The following JAM3 variants were observed in gnomAD, a reference collection of about 807,000 sequenced individuals.
JAM3 encodes the protein junctional adhesion molecule 3, also known as junctional adhesion molecule C.
A neutral mutation model predicts 39.4 loss-of-function variants in JAM3; 31 were observed. The observed-to-expected ratio is 0.79, with a 90% CI of 0.59 to 1.06. The LOEUF (loss-of-function observed/expected upper bound fraction) is 1.06, where lower values mean the gene tolerates loss of function less well. JAM3 is among the 50% of genes least tolerant of loss of function. The probability of loss-of-function intolerance (pLI) is 0.00; values close to 1 mark genes in which losing one functional copy is unlikely to be tolerated. For missense variants in JAM3, 455 were observed against 391.4 expected (o/e 1.16, Z -1.37); for synonymous variants, 182 against 148.7 (o/e 1.22, Z -1.63).
intron 1 of JAM3, among the ~76,000 whole-genome samples, chr11:134,092,244 G>A (rs1234428666): frequency 1.3e-5 from 2 of 152,060 alleles, no homozygotes; most frequent in Admixed American, 6.5e-5. Flanking sequence ...TGTGTGTGAT[G>A]CGCTCTGCAG....
chr11:134,070,457 A>G (rs1401046789), intron 1 of JAM3, among the ~76,000 whole-genome samples: 3 of 152,218 alleles, frequency 2.0e-5, no homozygotes, highest in Admixed American at 1.3e-4. Flanking sequence ...TGCTAATGGG[A>G]TGCTCGTGAT....
At chr11:134,141,855 G>A (rs1942978732) in intron 3 of JAM3, among the ~76,000 whole-genome samples, 2 of 152,048 alleles carry the variant, frequency 1.3e-5, no homozygotes, top group Non-Finnish European at 2.9e-5. Flanking sequence ...ATGCAGGCTC[G>A]TGCATGAGTC....
rs143447718 is a variant in JAM3, at chr11:134,146,537, A to C, written c.712+492A>C. 3.9e-3 allele frequency among the ~76,000 whole-genome samples: 586 copies of C among 151,966 alleles called. 7 individuals are homozygous for C. The highest frequency in any genetic ancestry group is 0.013 in the African/African-American group (555 of 41,450). On this transcript the variant is annotated intron_variant, in intron 6 of 8. Transcript: ENST00000299106. Reference sequence around the variant, plus strand: ...GGTGGGGGCAGAGAGGATGTGTCCAAATCACTTGGGGAGCTTTTTTTTTTC... The same window carrying C: ...GGTGGGGGCAGAGAGGATGTGTCCACATCACTTGGGGAGCTTTTTTTTTTC...
intron 1 of JAM3, chr11:134,124,247 G>A: frequency 1.2e-5 from 14 of 1,149,286 alleles, no homozygotes; most frequent in Non-Finnish European, 1.8e-5. Context: ...GGAACTCGTT[G>A]AGAGTAGCAC....
rs536759201 is a variant in JAM3 at position 134,144,335 on chromosome 11, C to T, written c.351C>T (p.Val117=). The change falls in exon 4 of 9, where the codon GTC becomes GTT. Residue 117 remains valine (V), a synonymous_variant. Transcript: ENST00000299106. ...ACTCAGCCCTTTATCGCTGTGAGGTCGTTGCTCGAAATGACCGCAAGGAAA... is the reference window on the plus strand; with the variant it reads ...ACTCAGCCCTTTATCGCTGTGAGGTTGTTGCTCGAAATGACCGCAAGGAAA... ...RRDSALYRCE[V]VARNDRKEID... The T allele has an allele frequency of 3.2e-5, 51 of 1,614,138 alleles. No homozygotes were observed. The highest frequency in any genetic ancestry group is 2.7e-4 in the East Asian group (12 of 44,884).
At chr11:134,115,139 T>G (rs1391183529) in intron 1 of JAM3, among the ~76,000 whole-genome samples, 1 of 152,208 alleles carries the variant, frequency 6.6e-6, no homozygotes, top group East Asian at 1.9e-4. Context: ...GAACTAACCT[T>G]TTTTATCCCT....
intron 4 of JAM3, 32 bp from the exon 5 acceptor site, chr11:134,144,760 A>G: frequency 6.4e-7 from 1 of 1,553,162 alleles, no homozygotes. Flanking sequence ...CCTGTCACTG[A>G]GATCTTAAAC....
At position 134,104,356 on chromosome 11, in the gene JAM3, T is replaced by C. The variant is rs1344158689; in HGVS notation, c.76+35197T>C. On this transcript the variant is annotated intron_variant, in intron 1 of 8. Transcript: ENST00000299106. Reference sequence around the variant, plus strand: ...CAGAATCTCTGGGACACATTTAAAGTAGTGTGTAGAGGGAAATTTATAGCA... The same window carrying C: ...CAGAATCTCTGGGACACATTTAAAGCAGTGTGTAGAGGGAAATTTATAGCA... Among the ~76,000 whole-genome samples, 3 of 151,868 alleles carry C rather than the reference T, an allele frequency of 2.0e-5. No homozygotes were observed. The South Asian group carries it at 6.2e-4, about 32-fold the overall frequency.
chr11:134,091,577 C>G (rs1941854475), intron 1 of JAM3, among the ~76,000 whole-genome samples: 1 of 151,400 alleles, frequency 6.6e-6, no homozygotes, highest in South Asian at 2.1e-4. Context: ...CTACAGTGAG[C>G]TACGATTGTG....
intron 1 of JAM3, among the ~76,000 whole-genome samples, chr11:134,097,857 T>C (rs1446420578): frequency 6.6e-6 from 1 of 151,284 alleles, no homozygotes; most frequent in East Asian, 1.9e-4. Context: ...TTCTTTTATA[T>C]ATATGTATAT....
At chr11:134,106,808 C>T (rs571217399) in intron 1 of JAM3, among the ~76,000 whole-genome samples, 51 of 152,222 alleles carry the variant, frequency 3.4e-4, no homozygotes, top group Middle Eastern at 6.8e-3. Flanking sequence ...GTTAGAATTG[C>T]GATCATTAAA....
intron 1 of JAM3, among the ~76,000 whole-genome samples, chr11:134,109,504 T>A (rs1223501829): frequency 6.6e-6 from 1 of 152,212 alleles, no homozygotes; most frequent in Non-Finnish European, 1.5e-5. Flanking sequence ...GCCACATCCA[T>A]CCATTTACTT....
At chr11:134,127,054 C>A (rs960765590) in intron 1 of JAM3, among the ~76,000 whole-genome samples, 1 of 152,100 alleles carries the variant, frequency 6.6e-6, no homozygotes, top group Non-Finnish European at 1.5e-5. Context: ...AGCATGCACA[C>A]AATAAAAACA....
At chr11:134,088,503 A>G (rs1941782978) in intron 1 of JAM3, among the ~76,000 whole-genome samples, 1 of 152,204 alleles carries the variant, frequency 6.6e-6, no homozygotes. Context: ...CTTTAAGGAA[A>G]AAACGGAATA....
At chr11:134,143,143 G>C (rs1943005821) in intron 3 of JAM3, among the ~76,000 whole-genome samples, 1 of 152,168 alleles carries the variant, frequency 6.6e-6, no homozygotes, top group East Asian at 1.9e-4. Context: ...TACAGTAGTT[G>C]CATGTTTAGT....
chr11:134,141,204 A>G lies in JAM3; in HGVS notation c.256+434A>G, dbSNP rs543312933. ...CTTGGTGCTGGGGTTGCCGATGGGG[A>G]GAAAACACGGTGTACCCTGAAGTGA... On this transcript the variant is annotated intron_variant, in intron 3 of 8. Transcript: ENST00000299106. Among the ~76,000 whole-genome samples, 3 of 152,126 alleles carry G rather than the reference A, an allele frequency of 2.0e-5. No individual in the cohort carries two copies. In the East Asian group the frequency reaches 5.8e-4, roughly 30 times the overall value.
chr11:134,116,770 G>A (rs752697747), intron 1 of JAM3, among the ~76,000 whole-genome samples: 12 of 151,822 alleles, frequency 7.9e-5, no homozygotes, highest in African/African-American at 2.4e-4. Context: ...GGAGATACAT[G>A]TATTTATATC....
intron 1 of JAM3, among the ~76,000 whole-genome samples, chr11:134,072,940 G>A (rs1845487562): frequency 6.6e-6 from 1 of 152,204 alleles, no homozygotes; most frequent in Non-Finnish European, 1.5e-5. Context: ...TTATAGTCAG[G>A]TGGTGTGAAT....
intron 1 of JAM3, among the ~76,000 whole-genome samples, chr11:134,097,783 G>A (rs987634490): frequency 6.6e-6 from 1 of 151,790 alleles, no homozygotes; most frequent in African/African-American, 2.4e-5. Flanking sequence ...AAATTCTACA[G>A]ATCATGGAAA....
Sources: allele counts gnomAD v4.1 joint callset (sites outside exome capture counted in the v4.1 genomes callset), GRCh38; gene constraint gnomAD v4.1.1; transcripts MANE v1.5; gene names NCBI Gene and HGNC (gene_info 2026-07-23, HGNC 2026-07-21).